The following TRPM1 variants were observed in gnomAD, a reference collection of about 807,000 sequenced individuals.
The protein encoded by TRPM1 is TRPM1-203 APA Isoform, Intron 10.
A neutral mutation model predicts 149.4 loss-of-function variants in TRPM1; 113 were observed. That is an observed-to-expected ratio of 0.76 (90% CI 0.65 to 0.88). TRPM1 has a LOEUF of 0.88. Among genes scored for constraint, TRPM1 ranks in the 40% least tolerant of loss-of-function variants. The pLI is 0.00. For synonymous variants in TRPM1, 741 were observed against 759.5 expected (o/e 0.98, Z 0.40); for missense variants, 1,976 against 2,038.7 (o/e 0.97, Z 0.59).
chr15:31,014,936 T>C lies in TRPM1; in HGVS notation c.3629+11203A>G, dbSNP rs181957470. 2.2e-3 allele frequency among the ~76,000 whole-genome samples: 332 copies of C among 152,022 alleles called. 1 individual carries two copies. Among genetic ancestry groups the C allele is most frequent in the African/African-American group, 7.8e-3 (322 of 41,428 alleles). On this transcript the variant is annotated intron_variant, in intron 27 of 27. Transcript: ENST00000256552. ...ACGATTGACTTCACCCTCTTGAATTTTGATGCAGTGGGTAGGGACTTCACC... is the reference window on the plus strand; with the variant it reads ...ACGATTGACTTCACCCTCTTGAATTCTGATGCAGTGGGTAGGGACTTCACC...
chr15:31,002,538 C>T lies in TRPM1; in HGVS notation c.4162G>A (p.Glu1388Lys). Residue 1388 changes from glutamate (E) to lysine (K), a missense_variant, in exon 28 of 28, where the codon GAA (glutamate) becomes AAA (lysine). This residue lies in a region of TRPM1 where 572 missense variants were observed against 578.9 expected (regional missense o/e 0.99). Transcript: ENST00000256552. ...TCTTTTTTAGAGTCTGTCTGTCTTT[C>T]ATCATCTTCCTTTGAAATCCCAATA... ...PDIGISKEDD[E>K]RQTDSKKEET... 6.2e-7 allele frequency: 1 copy of T among 1,614,100 alleles called. No homozygotes were observed. Among genetic ancestry groups the T allele is most frequent in the Admixed American group, 1.7e-5 (1 of 60,014 alleles).
At chr15:31,026,873 T>A in intron 26 of TRPM1, 42 bp downstream of exon 26, 1 of 1,600,706 alleles carries the variant, frequency 6.2e-7, no homozygotes, top group South Asian at 1.1e-5. Flanking sequence ...GAACACTATT[T>A]TGAAATCAGC....
chr15:31,104,586 C>CTTTTTTTTT (rs928062797), upstream of TRPM1, among the ~76,000 whole-genome samples: 3 of 87,466 alleles, frequency 3.4e-5, no homozygotes, highest in African/African-American at 5.1e-5. Context: ...GGTGATCTTC[C>CTTTTTTTTT]TTTTTTTTTT....
chr15:31,086,030 A>G (rs1427256904), intron 1 of TRPM1, among the ~76,000 whole-genome samples: 1 of 142,438 alleles, frequency 7.0e-6, no homozygotes, highest in Non-Finnish European at 1.6e-5. Flanking sequence ...GGAGAAAAGC[A>G]AAGGAAAACT....
chr15:31,109,870 C>T (rs75427496), intron 1 of TRPM1, among the ~76,000 whole-genome samples: 12 of 152,074 alleles, frequency 7.9e-5, no homozygotes, highest in East Asian at 1.9e-4. Flanking sequence ...AGGCTGGAGA[C>T]GGGCGATGGG....
At chr15:31,145,201 T>A (rs1320623193) in intron 1 of TRPM1, among the ~76,000 whole-genome samples, 3 of 152,164 alleles carry the variant, frequency 2.0e-5, no homozygotes, top group Non-Finnish European at 4.4e-5. Flanking sequence ...GCCCTTGATG[T>A]GTGAGCCACA....
intron 7 of TRPM1, among the ~76,000 whole-genome samples, chr15:31,064,323 G>A (rs2034312786): frequency 6.6e-6 from 1 of 152,190 alleles, no homozygotes; most frequent in African/African-American, 2.4e-5. Flanking sequence ...TTAATGACCT[G>A]TTCCCAGAGT....
At position 31,159,829 on chromosome 15, in the gene TRPM1, T is replaced by C. The variant is rs115005103; in HGVS notation, c.54+1077A>G. On this transcript the variant is annotated intron_variant, in intron 1 of 26. Transcript: ENST00000542188. ...CAGTTCCCGCCTAGGGCTCTGTTTT[T>C]AGCCCAGATAAATAACCTCTCTGAG... is the stretch of plus-strand genomic sequence containing the variant. Among the ~76,000 whole-genome samples the C allele has an allele frequency of 3.0e-3, 464 of 152,272 alleles. 1 individual carries two copies. Among genetic ancestry groups the C allele is most frequent in the African/African-American group, 0.011 (446 of 41,560 alleles).
chr15:31,121,382 G>GA (rs1436688489), intron 1 of TRPM1, among the ~76,000 whole-genome samples: 1 of 152,020 alleles, frequency 6.6e-6, no homozygotes, highest in Non-Finnish European at 1.5e-5. Flanking sequence ...AATCAGTAGA[G>GA]AAAACTAAAG....
At chr15:31,043,177 T>G (rs914999957) in intron 16 of TRPM1, among the ~76,000 whole-genome samples, 27 of 152,162 alleles carry the variant, frequency 1.8e-4, no homozygotes, top group African/African-American at 6.3e-4. Context: ...GGTTGTTCAC[T>G]ACTGACCCAA....
intron 1 of TRPM1, among the ~76,000 whole-genome samples, chr15:31,095,900 G>A: frequency 6.6e-6 from 1 of 151,798 alleles, no homozygotes; most frequent in East Asian, 1.9e-4. Context: ...AAAAAAATTA[G>A]CCAGGCGTGG....
intron 3 of TRPM1, among the ~76,000 whole-genome samples, chr15:31,076,658 A>C (rs1172267177): frequency 6.6e-6 from 1 of 152,136 alleles, no homozygotes; most frequent in Admixed American, 6.5e-5. Context: ...GACTAAGAGG[A>C]ATGATGTGGG....
chr15:31,106,929 A>T (rs2035616140), intron 1 of TRPM1, among the ~76,000 whole-genome samples: 1 of 152,206 alleles, frequency 6.6e-6, no homozygotes, highest in African/African-American at 2.4e-5. Context: ...AGCCTCACCA[A>T]CAAAATACGT....
At chr15:31,063,056 C>A in intron 8 of TRPM1, 62 bp downstream of exon 8, 1 of 1,603,620 alleles carries the variant, frequency 6.2e-7, no homozygotes, top group Non-Finnish European at 8.5e-7. Context: ...TTTAGATTTT[C>A]TCCTTGGCCC....
intron 27 of TRPM1, among the ~76,000 whole-genome samples, chr15:31,010,560 T>C (rs775496822): frequency 5.9e-5 from 9 of 152,258 alleles, no homozygotes; most frequent in Non-Finnish European, 1.0e-4. Flanking sequence ...TATTGTTTAA[T>C]TGTCACATAT....
At chr15:31,061,373 C>T in intron 10 of TRPM1, 69 bp downstream of exon 10, 1 of 1,488,208 alleles carries the variant, frequency 6.7e-7, no homozygotes, top group Non-Finnish European at 9.4e-7. Flanking sequence ...CCATGGGAGG[C>T]CGGGAGGGAA....
At chr15:31,035,872 T>C in intron 20 of TRPM1, 198 bp from the exon 21 acceptor site, 1 of 688,884 alleles carries the variant, frequency 1.5e-6, no homozygotes, top group Non-Finnish European at 2.5e-6. Flanking sequence ...CATTTTATAC[T>C]TCAGCACGAT....
chr15:31,041,057 A>AG (rs995242387), intron 17 of TRPM1, among the ~76,000 whole-genome samples: 3 of 152,188 alleles, frequency 2.0e-5, no homozygotes, highest in African/African-American at 7.2e-5. Context: ...GGCATGGAGA[A>AG]GGTGGCACAA....
At position 31,030,619 on chromosome 15, in the gene TRPM1, C is replaced by G. The variant is rs145186496; in HGVS notation, c.3127+364G>C. Among the ~76,000 whole-genome samples the G allele has an allele frequency of 5.7e-3, 864 of 152,312 alleles. 8 individuals carry two copies. Among genetic ancestry groups the G allele is most frequent in the African/African-American group, 0.02 (832 of 41,556 alleles). On this transcript the variant is annotated intron_variant, in intron 23 of 27. Coordinates refer to ENST00000256552, the MANE Select transcript of TRPM1 (RefSeq NM_001252024.2). ...AGAGGATGGTGGGAAGTATCAGTTA[C>G]TCTGCTCTGTTCACTAGTTCATTCT...
Sources: gnomAD v4.1 joint callset for allele counts (sites outside exome capture counted in the v4.1 genomes callset) on GRCh38, gnomAD v4.1.1 for gene constraint, gnomAD v4.1.1 regional missense constraint, MANE v1.5 for transcripts, NCBI Gene and HGNC (gene_info 2026-07-23, HGNC 2026-07-21) for gene names.